FOXP2: variants seen among roughly 807,000 people sequenced by gnomAD.
FOXP2 encodes the protein forkhead box P2, also known as forkhead box protein P2.
Under a neutral mutation model 115.8 loss-of-function variants are expected in FOXP2, and 12 were observed. The observed-to-expected ratio is 0.10, with a 90% CI of 0.07 to 0.17. The LOEUF (loss-of-function observed/expected upper bound fraction) is 0.17, where lower values mean the gene tolerates loss of function less well. Ranked by LOEUF, FOXP2 falls within the 10% of genes least tolerant of loss-of-function variation. The pLI is 1.00. For missense variants in FOXP2, 629 were observed against 843.5 expected (o/e 0.75, Z 3.15); for synonymous variants, 328 against 297.7 (o/e 1.10, Z -1.05).
At chr7:114,410,881 A>G (rs1372193471), upstream of FOXP2, among the ~76,000 whole-genome samples, 1 of 152,172 alleles carries the variant, frequency 6.6e-6, no homozygotes, top group Non-Finnish European at 1.5e-5. Flanking sequence ...AGCCAAAAAA[A>G]AAAAGAAAAG....
At chr7:114,389,530 A>G (rs759698712) in intron 2 of FOXP2, among the ~76,000 whole-genome samples, 12 of 152,370 alleles carry the variant, frequency 7.9e-5, no homozygotes, top group Admixed American at 6.5e-4. Flanking sequence ...GAGAACTTAC[A>G]TGAAAACATA....
At chr7:114,459,972 G>A (rs919773180) in intron 2 of FOXP2, among the ~76,000 whole-genome samples, 1 of 152,088 alleles carries the variant, frequency 6.6e-6, no homozygotes, top group Non-Finnish European at 1.5e-5. Flanking sequence ...AAAATTTTCA[G>A]TAGCCATTCA....
chr7:114,364,977 G>T (rs557000910), intron 2 of FOXP2, among the ~76,000 whole-genome samples: 48 of 152,176 alleles, frequency 3.2e-4, no homozygotes, highest in African/African-American at 1.1e-3. Flanking sequence ...TTCAAAAAGG[G>T]TGCTTAATAA....
chr7:114,112,025 ACAGGGAC>A (rs1262577136), intron 1 of FOXP2, among the ~76,000 whole-genome samples: 1 of 152,080 alleles, frequency 6.6e-6, no homozygotes, highest in Non-Finnish European at 1.5e-5. Context: ...CCTAGGAAGA[ACAGGGAC>A]CAAATATAGC....
At chr7:114,577,277 AAAC>A (rs946057345) in intron 3 of FOXP2, among the ~76,000 whole-genome samples, 5 of 151,892 alleles carry the variant, frequency 3.3e-5, no homozygotes, top group South Asian at 2.1e-4. Context: ...TAAACCTGAA[AAAC>A]AACAACAACA....
intron 2 of FOXP2, among the ~76,000 whole-genome samples, chr7:114,307,306 C>A (rs1305338425): frequency 6.6e-6 from 1 of 152,152 alleles, no homozygotes; most frequent in African/African-American, 2.4e-5. Flanking sequence ...ACATTTATGC[C>A]CCCCGAGTCC....
intron 2 of FOXP2, among the ~76,000 whole-genome samples, chr7:114,379,044 C>T (rs989953422): frequency 2.0e-5 from 3 of 152,006 alleles, no homozygotes; most frequent in Non-Finnish European, 4.4e-5. Context: ...TTCTATGTCT[C>T]CCTGTTATAG....
intron 2 of FOXP2, among the ~76,000 whole-genome samples, chr7:114,430,165 G>A (rs1470802781): frequency 6.6e-6 from 1 of 151,518 alleles, no homozygotes; most frequent in African/African-American, 2.4e-5. Context: ...TTTTTAAAAT[G>A]CATAATTTAT....
chr7:114,592,782 T>C (rs1486331565), intron 3 of FOXP2, among the ~76,000 whole-genome samples: 1 of 152,042 alleles, frequency 6.6e-6, no homozygotes. Flanking sequence ...ATGTTTAAAA[T>C]TGGCATCTTT....
At chr7:114,615,413 C>T (rs1803883838) in intron 3 of FOXP2, among the ~76,000 whole-genome samples, 1 of 152,134 alleles carries the variant, frequency 6.6e-6, no homozygotes, top group Non-Finnish European at 1.5e-5. Context: ...GTGATTTTAG[C>T]TTAGTTGAAT....
At chr7:114,196,919 T>G (rs957664803) in intron 1 of FOXP2, among the ~76,000 whole-genome samples, 1 of 152,162 alleles carries the variant, frequency 6.6e-6, no homozygotes, top group Non-Finnish European at 1.5e-5. Flanking sequence ...GGGCTGGACA[T>G]GGTTGCTCAT....
chr7:114,337,087 A>G (rs1797870638), intron 2 of FOXP2, among the ~76,000 whole-genome samples: 1 of 151,552 alleles, frequency 6.6e-6, no homozygotes, highest in South Asian at 2.1e-4. Flanking sequence ...TTTGATATAG[A>G]TTATTCTATA....
chr7:114,573,948 C>T (rs1801445254), intron 3 of FOXP2, among the ~76,000 whole-genome samples: 1 of 151,648 alleles, frequency 6.6e-6, no homozygotes, highest in African/African-American at 2.4e-5. Flanking sequence ...AATTTACTAG[C>T]AAAACGTGCA....
chr7:114,532,915 A>G (rs887614791), intron 2 of FOXP2, among the ~76,000 whole-genome samples: 1 of 151,964 alleles, frequency 6.6e-6, no homozygotes, highest in Non-Finnish European at 1.5e-5. Flanking sequence ...ATAAGTTACA[A>G]TTAAAAGAGG....
intron 1 of FOXP2, among the ~76,000 whole-genome samples, chr7:114,124,590 A>C (rs575139366): frequency 6.6e-6 from 1 of 152,124 alleles, no homozygotes; most frequent in African/African-American, 2.4e-5. Context: ...GTGCTCAGGC[A>C]TTATGTTTTA....
chr7:114,318,211 T>G (rs915730542), intron 2 of FOXP2, among the ~76,000 whole-genome samples: 4 of 152,126 alleles, frequency 2.6e-5, no homozygotes, highest in Admixed American at 2.0e-4. Context: ...TGCAGAGGCT[T>G]TAGTTAGGGT....
chr7:114,363,517 T>G (rs1404823746), intron 2 of FOXP2, among the ~76,000 whole-genome samples: 1 of 152,158 alleles, frequency 6.6e-6, no homozygotes, highest in Non-Finnish European at 1.5e-5. Context: ...ATTGTTTTAT[T>G]TGGTTCTGAG....
chr7:114,284,716 C>A (rs1336633421), intron 1 of FOXP2, among the ~76,000 whole-genome samples: 1 of 152,082 alleles, frequency 6.6e-6, no homozygotes, highest in Non-Finnish European at 1.5e-5. Flanking sequence ...GGTGTATACC[C>A]AAAGGAATAT....
chr7:114,184,085 CAG>C (rs879810193), intron 1 of FOXP2, among the ~76,000 whole-genome samples: 3 of 152,138 alleles, frequency 2.0e-5, no homozygotes, highest in Non-Finnish European at 4.4e-5. Flanking sequence ...AAAAAGGGGA[CAG>C]AGGCTAATTT....
Sources: allele counts gnomAD v4.1 joint callset (sites outside exome capture counted in the v4.1 genomes callset), GRCh38; gene constraint gnomAD v4.1.1; transcripts MANE v1.5; gene names NCBI Gene and HGNC (gene_info 2026-07-23, HGNC 2026-07-21).